Variants in OXCT1 observed in about 807,000 individuals in gnomAD.
OXCT1 encodes the protein 3-oxoacid CoA-transferase 1.
OXCT1 carries 27 observed loss-of-function variants against 69.6 expected under a neutral mutation model. The ratio of observed to expected loss-of-function variants is 0.39; its 90% CI spans 0.29 to 0.54. OXCT1 has a LOEUF of 0.54. OXCT1 is among the 20% of genes least tolerant of loss of function. OXCT1 has a pLI of 0.72. For missense variants in OXCT1, 437 were observed against 650.2 expected (o/e 0.67, Z 3.57); for synonymous variants, 202 against 217.8 (o/e 0.93, Z 0.64).
intron 14 of OXCT1, among the ~76,000 whole-genome samples, chr5:41,749,925 C>G (rs1332980858): frequency 6.6e-6 from 1 of 152,040 alleles, no homozygotes; most frequent in Non-Finnish European, 1.5e-5. Context: ...GATTATTTTT[C>G]CCTTCCAAGG....
intron 11 of OXCT1, among the ~76,000 whole-genome samples, chr5:41,796,624 T>C (rs1174118368): frequency 1.3e-5 from 2 of 152,220 alleles, no homozygotes; most frequent in Admixed American, 1.3e-4. Context: ...TTCATCTTGA[T>C]ATAAATATAT....
intron 14 of OXCT1, among the ~76,000 whole-genome samples, chr5:41,753,529 C>G (rs142386810): frequency 1.3e-5 from 2 of 152,060 alleles, no homozygotes; most frequent in Non-Finnish European, 2.9e-5. Context: ...ACGGCAACAC[C>G]CTTCCTATTC....
At position 41,862,685 on chromosome 5, in the gene OXCT1, T is replaced by G; in HGVS notation, c.144A>C (p.Glu48Asp). 1 of 1,613,344 alleles carries G rather than the reference T, an allele frequency of 6.2e-7. No homozygotes were observed. Among genetic ancestry groups the G allele is most frequent in the Non-Finnish European group, 8.5e-7 (1 of 1,179,460 alleles). The change falls in exon 2 of 17, where the codon GAA becomes GAC. Residue 48 changes from glutamate (E) to aspartate (D), a missense_variant. This residue lies in a region of OXCT1 where 79 missense variants were observed against 61.5 expected (regional missense o/e 1.28). Transcript: ENST00000196371. ...CACCATCAGGGATGTCTTTTACAGC[T>G]TCTACTGGATCTGTATAAAACTTGG... ...RHTKFYTDPV[E>D]AVKDIPDGAT...
At chr5:41,800,934 C>T (rs1193206861) in intron 11 of OXCT1, 88 bp downstream of exon 11, 2 of 1,153,250 alleles carry the variant, frequency 1.7e-6, no homozygotes, top group African/African-American at 3.0e-5. Context: ...GAGTGCTCTC[C>T]AGGAAAAGAC....
rs1234008448 is a variant in OXCT1, at chr5:41,749,508, T to C, written c.1419+19A>G. 3.9e-6 allele frequency: 6 copies of C among 1,538,776 alleles called. No homozygotes were observed. In the Admixed American group the frequency reaches 5.0e-5, roughly 13 times the overall value. Reference sequence around the variant, plus strand: ...ATGCTTACTTAAAACATGGTAATAGTAGAAAAAGCACTTTTTACCTTTTCA... The same window carrying C: ...ATGCTTACTTAAAACATGGTAATAGCAGAAAAAGCACTTTTTACCTTTTCA... On this transcript the variant is annotated intron_variant, in intron 15 of 16. Coordinates refer to ENST00000196371, the MANE Select transcript of OXCT1 (RefSeq NM_000436.4).
chr5:41,769,449 T>C (rs1744774654), intron 13 of OXCT1, among the ~76,000 whole-genome samples: 1 of 151,268 alleles, frequency 6.6e-6, no homozygotes. Context: ...CAGGGCCAGG[T>C]GTGGTAGCTC....
chr5:41,750,159 T>G (rs1743707085), intron 14 of OXCT1, among the ~76,000 whole-genome samples: 1 of 148,528 alleles, frequency 6.7e-6, no homozygotes, highest in African/African-American at 2.5e-5. Flanking sequence ...TTTTTTTTTT[T>G]TAGCATTTTC....
chr5:41,809,396 G>A lies in OXCT1; in HGVS notation c.733-1958C>T, dbSNP rs546021675. 2.6e-5 allele frequency among the ~76,000 whole-genome samples: 4 copies of A among 151,908 alleles called. No individual in the cohort carries two copies. In the South Asian group the frequency reaches 6.2e-4, roughly 24 times the overall value. ...AATTAGTTTGACATGTACCAAAGAG[G>A]GCATGTTAAAAAGAAAATAGAGAGT... On this transcript the variant is annotated intron_variant, in intron 7 of 16. Transcript: ENST00000196371.
chr5:41,842,303 T>G (rs932970819), intron 6 of OXCT1, among the ~76,000 whole-genome samples: 2 of 152,314 alleles, frequency 1.3e-5, no homozygotes, highest in East Asian at 3.9e-4. Flanking sequence ...AAATTAGCTT[T>G]GACATTTTAA....
At position 41,804,848 on chromosome 5, in the gene OXCT1, A is replaced by T. The variant is rs17648418; in HGVS notation, c.955+719T>A. Among the ~76,000 whole-genome samples, 1,168 of 152,214 alleles carry T rather than the reference A, an allele frequency of 7.7e-3. 7 individuals carry two copies. Among genetic ancestry groups the T allele is most frequent in the Non-Finnish European group, 0.01 (690 of 67,976 alleles). On this transcript the variant is annotated intron_variant, in intron 9 of 16. Transcript: ENST00000196371. ...CATTCTTTCTGTCCTAGGTCTTTTA[A>T]GTATGGCTTCACTGTATCCACCATT...
intron 7 of OXCT1, among the ~76,000 whole-genome samples, chr5:41,811,512 A>G (rs1413032078): frequency 1.3e-5 from 2 of 152,054 alleles, no homozygotes; most frequent in Non-Finnish European, 2.9e-5. Flanking sequence ...ATCTTTCTCA[A>G]AGATTCAAAT....
intron 7 of OXCT1, among the ~76,000 whole-genome samples, chr5:41,813,628 T>C (rs1747091071): frequency 6.6e-6 from 1 of 152,054 alleles, no homozygotes; most frequent in Admixed American, 6.6e-5. Context: ...GGGCAAGGGT[T>C]TGGGTGCATC....
At position 41,739,334 on chromosome 5, in the gene OXCT1, T is replaced by A. The variant is rs1743042611; in HGVS notation, c.1521+56A>T. On this transcript the variant is annotated intron_variant, in intron 16 of 16. Transcript: ENST00000196371. ...ATGGTTCATGTCCTGCAAACACCCA[T>A]TAATCAAGCCTATAATATAAGACAA... 2.6e-6 allele frequency: 3 copies of A among 1,133,094 alleles called. No individual in the cohort carries two copies. In the South Asian group the frequency reaches 3.7e-5, roughly 14 times the overall value. 70.2% of individuals were successfully genotyped at this position (1,133,094 alleles called of 1,614,324 possible).
At position 41,813,819 on chromosome 5, in the gene OXCT1, C is replaced by A. The variant is rs1175407617; in HGVS notation, c.733-6381G>T. Among the ~76,000 whole-genome samples, 3 of 151,946 alleles carry A rather than the reference C, an allele frequency of 2.0e-5. No individual in the cohort carries two copies. The South Asian group carries it at 6.2e-4, about 31-fold the overall frequency. On this transcript the variant is annotated intron_variant, in intron 7 of 16. Transcript: ENST00000196371. ...ATAAAGAGTCAGTTTTTCTTTCTTG[C>A]AATCAAGTGAGTTATTTCTTACCAT... is the stretch of plus-strand genomic sequence containing the variant.
chr5:41,787,930 C>G (rs953546576), intron 13 of OXCT1, among the ~76,000 whole-genome samples: 1 of 151,964 alleles, frequency 6.6e-6, no homozygotes, highest in African/African-American at 2.4e-5. Context: ...AAAAAAACAT[C>G]AAATGGCAAT....
At chr5:41,780,205 C>T (rs1156515634) in intron 13 of OXCT1, among the ~76,000 whole-genome samples, 3 of 151,912 alleles carry the variant, frequency 2.0e-5, no homozygotes, top group Middle Eastern at 6.8e-3. Flanking sequence ...AACAAAATTG[C>T]CACAAGAAGT....
In OXCT1 at chr5:41,762,763, T is replaced by C. The variant is rs1307248559; in HGVS notation, c.1249-563A>G. Among the ~76,000 whole-genome samples the C allele has an allele frequency of 6.6e-6, 1 of 152,104 alleles. No individual in the cohort carries two copies. Among genetic ancestry groups the C allele is most frequent in the African/African-American group, 2.4e-5 (1 of 41,442 alleles). The stretch of plus-strand genomic sequence containing the variant: ...CTTAGAAAAATAAAATAAAAAACAT[T>C]CTTGCTAAGCAAAAACAGAACACAG... On this transcript the variant is annotated intron_variant, in intron 13 of 16. Coordinates refer to ENST00000196371, the MANE Select transcript of OXCT1 (RefSeq NM_000436.4). This position sits in a 1 kb window ranked among gnomAD's most constrained non-coding sequence, Gnocchi z 4.0.
intron 14 of OXCT1, among the ~76,000 whole-genome samples, chr5:41,761,231 A>G (rs1008706746): frequency 1.3e-5 from 2 of 152,120 alleles, no homozygotes; most frequent in Non-Finnish European, 2.9e-5. Flanking sequence ...ACTTACACTG[A>G]TAGTTCCTTG....
chr5:41,784,235 T>G (rs2112192164), intron 13 of OXCT1, among the ~76,000 whole-genome samples: 1 of 152,330 alleles, frequency 6.6e-6, no homozygotes, highest in Non-Finnish European at 1.5e-5. Context: ...ATTGGTAGAT[T>G]ATAAAAAACA....
Sources: gnomAD v4.1 joint callset for allele counts (sites outside exome capture counted in the v4.1 genomes callset) on GRCh38, gnomAD v4.1.1 for gene constraint, gnomAD v4.1.1 regional missense constraint, Gnocchi (gnomAD v3.1) non-coding constraint, MANE v1.5 for transcripts, NCBI Gene and HGNC (gene_info 2026-07-23, HGNC 2026-07-21) for gene names.